The following EPB41 variants were observed in gnomAD, a reference collection of about 807,000 sequenced individuals.
EPB41 encodes the protein erythrocyte membrane protein band 4.1, also known as protein 4.1.
A neutral mutation model predicts 108.0 loss-of-function variants in EPB41; 65 were observed. That is an observed-to-expected ratio of 0.60 (90% CI 0.49 to 0.74). The LOEUF (loss-of-function observed/expected upper bound fraction) is 0.74. EPB41 is among the 30% of genes least tolerant of loss of function. The pLI is 0.00. For missense variants in EPB41, 875 were observed against 1,037.0 expected, an observed-to-expected ratio of 0.84 and a Z score of 2.15; for synonymous variants, 336 against 358.9, an observed-to-expected ratio of 0.94 and a Z score of 0.72.
intron 2 of EPB41, among the ~76,000 whole-genome samples, chr1:28,990,334 T>TCCTTCCTC (rs2095985011): frequency 8.0e-6 from 1 of 125,132 alleles, no homozygotes; most frequent in African/African-American, 3.1e-5. Context: ...CTTCCTTCCT[T>TCCTTCCTC]CCCTCCCTCC....
chr1:29,074,255 C>T (rs1190820772), intron 16 of EPB41, among the ~76,000 whole-genome samples: 4 of 152,136 alleles, frequency 2.6e-5, no homozygotes, highest in Non-Finnish European at 5.9e-5. Flanking sequence ...TTCCTCTTCA[C>T]AGGAATTATA....
upstream of EPB41, among the ~76,000 whole-genome samples, chr1:28,914,271 G>A (rs1057159030): frequency 7.2e-5 from 11 of 152,270 alleles, no homozygotes; most frequent in Non-Finnish European, 1.6e-4. Flanking sequence ...GGTGCTGCGG[G>A]ATCCCGGAAC....
intron 10 of EPB41, among the ~76,000 whole-genome samples, chr1:29,037,949 A>G (rs965655636): frequency 1.2e-4 from 18 of 152,204 alleles, no homozygotes; most frequent in African/African-American, 2.2e-4. Context: ...CCCAAAGCCA[A>G]TCTTGTTTCT....
At chr1:29,041,148 T>A (rs199744231) in intron 11 of EPB41, 12 of 45,116 alleles carry the variant, frequency 2.7e-4, no homozygotes, top group East Asian at 2.3e-3. Context: ...ATAAATAAAT[T>A]AAATAAATAA....
intron 1 of EPB41, among the ~76,000 whole-genome samples, chr1:28,946,920 A>T (rs1436675049): frequency 6.6e-6 from 1 of 152,230 alleles, no homozygotes; most frequent in Non-Finnish European, 1.5e-5. Flanking sequence ...AAACTCATAC[A>T]CAAGGAGAGA....
intron 12 of EPB41, chr1:29,054,007 T>C (rs1379675992): frequency 6.6e-6 from 1 of 152,296 alleles, no homozygotes; most frequent in African/African-American, 2.4e-5. Context: ...AAATTTTATT[T>C]TCTAAGATGG....
At position 28,987,759 on chromosome 1, in the gene EPB41, A is replaced by G; in HGVS notation, c.322A>G (p.Lys108Glu). Residue 108 changes from lysine to glutamate, a missense_variant, in exon 2 of 21, where the codon AAA (lysine) becomes GAA (glutamate). Physicochemically the swap from Lys to Glu is moderately conservative, Grantham distance 56. Around this residue, in one of 3 missense-constraint regions of EPB41, gnomAD observed 353 missense variants for 393.2 expected, o/e 0.90. Transcript: ENST00000343067. ...EGKEVESDKE[K>E]GEGGQKEIEF... Reference sequence around the variant, plus strand: ...CAAAGAAGTAGAGTCAGATAAAGAAAAAGGTGAAGGAGGTCAGAAAGAGAT... The same window carrying G: ...CAAAGAAGTAGAGTCAGATAAAGAAGAAGGTGAAGGAGGTCAGAAAGAGAT... The G allele has an allele frequency of 6.2e-7, 1 of 1,614,190 alleles. No individual in the cohort carries two copies. Among genetic ancestry groups the G allele is most frequent in the Non-Finnish European group, 8.5e-7 (1 of 1,180,040 alleles).
At chr1:28,929,843 CTTTTTTTTTTTTT>C (rs56337991) in intron 1 of EPB41, among the ~76,000 whole-genome samples, 1 of 101,886 alleles carries the variant, frequency 9.8e-6, no homozygotes, top group Non-Finnish European at 2.1e-5. Context: ...ACTGGGCCTT[CTTTTTTTTTTTTT>C]TTTTTTTTTT....
In EPB41 at chr1:28,900,925, C is replaced by T. The variant is rs75001063; in HGVS notation, c.-8+13715C>T. Among the ~76,000 whole-genome samples, 21 of 152,122 alleles carry T rather than the reference C, an allele frequency of 1.4e-4. No homozygotes were observed. In the East Asian group the frequency reaches 3.5e-3, roughly 25 times the overall value. On this transcript the variant is annotated intron_variant, in intron 1 of 16. Coordinates refer to the EPB41 transcript ENST00000347529. Reference sequence around the variant, plus strand: ...ACCTTCTCAATAAGACCTTTCCTATCTTTTTATTTATTTATTTATTTTGAG... The same window carrying T: ...ACCTTCTCAATAAGACCTTTCCTATTTTTTTATTTATTTATTTATTTTGAG...
At chr1:29,032,326 A>G (rs2096801036) in intron 8 of EPB41, among the ~76,000 whole-genome samples, 1 of 152,130 alleles carries the variant, frequency 6.6e-6, no homozygotes, top group African/African-American at 2.4e-5. Context: ...TTGTAAAGCA[A>G]ATTGTTTCTC....
chr1:28,931,437 A>G (rs2093738017), intron 1 of EPB41, among the ~76,000 whole-genome samples: 1 of 151,444 alleles, frequency 6.6e-6, no homozygotes, highest in African/African-American at 2.4e-5. Flanking sequence ...AAATAGCTTA[A>G]CATTTTAATT....
At chr1:29,052,987 C>A in intron 11 of EPB41, 117 bp from the exon 12 acceptor site, 2 of 1,109,544 alleles carry the variant, frequency 1.8e-6, no homozygotes, top group Admixed American at 3.9e-5. Flanking sequence ...TGATAGCCCA[C>A]TACACACTCT....
chr1:29,105,481 A>G (rs1573999037), intron 17 of EPB41, among the ~76,000 whole-genome samples: 1 of 150,950 alleles, frequency 6.6e-6, no homozygotes, highest in Non-Finnish European at 1.5e-5. Flanking sequence ...CAGGTGATCC[A>G]CCCACCTTGG....
intron 1 of EPB41, among the ~76,000 whole-genome samples, chr1:28,949,311 G>T (rs879918010): frequency 6.6e-6 from 1 of 152,116 alleles, no homozygotes; most frequent in Non-Finnish European, 1.5e-5. Flanking sequence ...TAGGCATGTG[G>T]TGTGCACCTG....
chr1:29,105,052 A>G (rs759284996), intron 17 of EPB41, among the ~76,000 whole-genome samples: 6 of 152,008 alleles, frequency 3.9e-5, no homozygotes, highest in Non-Finnish European at 8.8e-5. Context: ...ATGGCTATAC[A>G]TGTGTAACCA....
Position 29,018,438 on chromosome 1 carries a change from T to C in EPB41, c.1120T>C (p.Tyr374His). The change falls in exon 7 of 21, where the codon TAC (tyrosine) becomes CAC (histidine). Residue 374 changes from tyrosine to histidine, a missense_variant. Physicochemically the swap from Tyr to His is moderately conservative, Grantham distance 83. Coordinates refer to ENST00000343067, the MANE Select transcript of EPB41 (RefSeq NM_001376013.1). This position sits in a 1 kb window ranked among gnomAD's most constrained non-coding sequence, Gnocchi z 4.4. ...GAAGGTCATGGAACTGCATAAGTCA[T>C]ACAGGTGAATATGTCTCCAGGGTTT... The part of the protein sequence containing the change: ...EEKVMELHKS[Y>H]RSMTPAQADL... 1 of 1,613,888 alleles carries C rather than the reference T, an allele frequency of 6.2e-7. No homozygotes were observed. Among genetic ancestry groups the C allele is most frequent in the Non-Finnish European group, 8.5e-7 (1 of 1,179,908 alleles).
chr1:28,994,633 T>TTTA (rs1553224687), intron 3 of EPB41, among the ~76,000 whole-genome samples: 84 of 139,852 alleles, frequency 6.0e-4, no homozygotes, highest in African/African-American at 2.2e-3. Flanking sequence ...GAACAAACTA[T>TTTA]TTTATTTATT....
intron 15 of EPB41, among the ~76,000 whole-genome samples, chr1:29,060,916 TA>T (rs1210181399): frequency 6.6e-6 from 1 of 151,764 alleles, no homozygotes; most frequent in Non-Finnish European, 1.5e-5. Context: ...ATATTGGAGA[TA>T]ATAGAAAAAT....
intron 1 of EPB41, among the ~76,000 whole-genome samples, chr1:28,931,995 C>A (rs1337146739): frequency 2.0e-5 from 3 of 152,118 alleles, no homozygotes; most frequent in Non-Finnish European, 4.4e-5. Context: ...AAGAGATGAA[C>A]CAAGAGGTTG....
Sources: allele counts gnomAD v4.1 joint callset (sites outside exome capture counted in the v4.1 genomes callset), GRCh38; gene constraint gnomAD v4.1.1; regional missense constraint gnomAD v4.1.1; non-coding constraint Gnocchi (gnomAD v3.1); transcripts MANE v1.5; gene names NCBI Gene and HGNC (gene_info 2026-07-23, HGNC 2026-07-21).